The following REDIC1 variants were observed in gnomAD, a reference collection of about 807,000 sequenced individuals.
REDIC1 encodes the protein regulator of DNA class I crossover intermediates 1.
At chr12:39,731,171 A>G in the REDIC1 span, among the ~76,000 whole-genome samples, 3 of 152,158 alleles carry the variant, frequency 2.0e-5, no homozygotes, top group Non-Finnish European at 4.4e-5. Context: ...CATCAAACTC[A>G]TTCTCTGTCC....
chr12:39,711,873 A>G, the REDIC1 span, among the ~76,000 whole-genome samples: 1 of 119,350 alleles, frequency 8.4e-6, no homozygotes, highest in South Asian at 2.5e-4. Flanking sequence ...ATACACGTAT[A>G]CACATGCATG....
At chr12:39,717,536 G>T in the REDIC1 span, among the ~76,000 whole-genome samples, 1 of 152,000 alleles carries the variant, frequency 6.6e-6, no homozygotes, top group Non-Finnish European at 1.5e-5. Flanking sequence ...AGTTGGTCTT[G>T]CTGTTTCATT....
At chr12:39,896,012 G>A in the REDIC1 span, among the ~76,000 whole-genome samples, 1 of 135,576 alleles carries the variant, frequency 7.4e-6, no homozygotes, top group African/African-American at 2.8e-5. Flanking sequence ...ATATACATGT[G>A]TATATGTATA....
the REDIC1 span, among the ~76,000 whole-genome samples, chr12:39,642,634 A>G: frequency 6.6e-6 from 1 of 151,726 alleles, no homozygotes; most frequent in Non-Finnish European, 1.5e-5. Flanking sequence ...TATAAGATCT[A>G]GCATTGACTG....
the REDIC1 span, among the ~76,000 whole-genome samples, chr12:39,635,325 G>A: frequency 6.6e-6 from 1 of 151,962 alleles, no homozygotes; most frequent in African/African-American, 2.4e-5. Context: ...ATCATTCTAT[G>A]ATAAAGACAC....
the REDIC1 span, among the ~76,000 whole-genome samples, chr12:39,714,241 A>G: frequency 2.1e-5 from 3 of 140,178 alleles, no homozygotes; most frequent in East Asian, 6.0e-4. Context: ...ATATGTATAT[A>G]TGTATATACG....
chr12:39,708,055 C>T, the REDIC1 span, among the ~76,000 whole-genome samples: 12 of 150,738 alleles, frequency 8.0e-5, no homozygotes, highest in Non-Finnish European at 1.3e-4. Context: ...TTAATGGATA[C>T]AAAAAATTCA....
the REDIC1 span, among the ~76,000 whole-genome samples, chr12:39,724,756 A>T: frequency 1.3e-5 from 2 of 152,146 alleles, no homozygotes; most frequent in African/African-American, 4.8e-5. Context: ...GGCATGTTAG[A>T]TACAGGTGAA....
chr12:39,712,852 C>G, the REDIC1 span, among the ~76,000 whole-genome samples: 1 of 81,530 alleles, frequency 1.2e-5, no homozygotes, highest in Non-Finnish European at 3.1e-5. Context: ...CGTATATACA[C>G]ATATGTATAT....
At chr12:39,772,475 A>G in the REDIC1 span, among the ~76,000 whole-genome samples, 1 of 152,162 alleles carries the variant, frequency 6.6e-6, no homozygotes, top group African/African-American at 2.4e-5. Context: ...TGTTCCTTGA[A>G]TGATGAAGCT....
At chr12:39,845,245 C>T in the REDIC1 span, among the ~76,000 whole-genome samples, 1 of 151,984 alleles carries the variant, frequency 6.6e-6, no homozygotes, top group East Asian at 1.9e-4. Flanking sequence ...TGAGGAAATA[C>T]TTCTTAAAAT....
At chr12:39,838,959 C>G in the REDIC1 span, among the ~76,000 whole-genome samples, 1 of 152,056 alleles carries the variant, frequency 6.6e-6, no homozygotes. Flanking sequence ...TCAATGGTGG[C>G]AAACACAGAT....
chr12:39,775,630 A>G, the REDIC1 span, among the ~76,000 whole-genome samples: 2 of 152,240 alleles, frequency 1.3e-5, no homozygotes, highest in African/African-American at 4.8e-5. Flanking sequence ...TACTTCATAA[A>G]GTCTACCTGG....
the REDIC1 span, among the ~76,000 whole-genome samples, chr12:39,856,864 T>C: frequency 2.0e-5 from 3 of 152,236 alleles, no homozygotes; most frequent in African/African-American, 4.8e-5. Flanking sequence ...AATTAAAGAA[T>C]AGTTAAGTTT....
chr12:39,772,233 G>A, the REDIC1 span, among the ~76,000 whole-genome samples: 1 of 152,140 alleles, frequency 6.6e-6, no homozygotes, highest in South Asian at 2.1e-4. Context: ...TTGTATCTCA[G>A]TTCTCTCCCT....
At chr12:39,711,861 GTATACACGTA>G in the REDIC1 span, among the ~76,000 whole-genome samples, 2 of 67,432 alleles carry the variant, frequency 3.0e-5, no homozygotes, top group Non-Finnish European at 2.9e-5. Flanking sequence ...ATGTGTATGT[GTATACACGTA>G]TACACATGCA....
the REDIC1 span, among the ~76,000 whole-genome samples, chr12:39,635,505 A>C: frequency 6.6e-6 from 1 of 152,158 alleles, no homozygotes; most frequent in Non-Finnish European, 1.5e-5. Flanking sequence ...GACCTGGATG[A>C]AGCTGGAAAC....
At chr12:39,860,528 C>T in the REDIC1 span, among the ~76,000 whole-genome samples, 4 of 152,108 alleles carry the variant, frequency 2.6e-5, no homozygotes, top group Non-Finnish European at 4.4e-5. Context: ...TTCCCAAATA[C>T]CTATTCAATA....
At chr12:39,748,994 A>G in the REDIC1 span, among the ~76,000 whole-genome samples, 1 of 152,192 alleles carries the variant, frequency 6.6e-6, no homozygotes, top group African/African-American at 2.4e-5. Context: ...ACACCCTAAC[A>G]TCACAATTAG....
Sources: gnomAD v4.1 joint callset for allele counts (sites outside exome capture counted in the v4.1 genomes callset) on GRCh38, gnomAD v4.1.1 for gene constraint, MANE v1.5 for transcripts, NCBI Gene and HGNC (gene_info 2026-07-23, HGNC 2026-07-21) for gene names.